SARDH: variants seen among roughly 807,000 people sequenced by gnomAD.
SARDH encodes the protein sarcosine dehydrogenase.
SARDH carries 95 observed loss-of-function variants against 109.1 expected under a neutral mutation model. That is an observed-to-expected ratio of 0.87 (90% CI 0.74 to 1.03). SARDH has a LOEUF of 1.03. Among genes scored for constraint, SARDH ranks in the 50% least tolerant of loss-of-function variants. The probability of loss-of-function intolerance (pLI) is 0.00; values close to 1 mark genes in which losing one functional copy is unlikely to be tolerated. For synonymous variants in SARDH, 572 were observed against 534.8 expected, an observed-to-expected ratio of 1.07 and a Z score of -0.96; for missense variants, 1,267 against 1,287.8, an observed-to-expected ratio of 0.98 and a Z score of 0.25.
At position 133,668,322 on chromosome 9, in the gene SARDH, TCCCTCTCCCTCTCCCTCATTC is replaced by T. The variant is rs1366546136; in HGVS notation, c.2496-1473_2496-1453del. The stretch of plus-strand genomic sequence containing the variant: ...CCCTCTCCCTCCCTCTCCCCCACCC[TCCCTCTCCCTCTCCCTCATTC>T]TCCCTCACCCTCCCTCTCCCTCACC... On this transcript the variant is annotated intron_variant, in intron 19 of 20. Coordinates refer to ENST00000439388, the MANE Select transcript of SARDH (RefSeq NM_001134707.2). 1.8e-3 allele frequency among the ~76,000 whole-genome samples: 72 copies of T among 38,986 alleles called. 1 individual carries two copies. The highest frequency in any genetic ancestry group is 0.014 in the East Asian group (21 of 1,508). The allele number at this position is 38,986 out of a possible 152,430, so 25.6% of individuals were successfully genotyped here.
downstream of SARDH, among the ~76,000 whole-genome samples, chr9:133,660,760 T>C (rs972973544): frequency 1.3e-5 from 2 of 152,140 alleles, no homozygotes; most frequent in South Asian, 2.1e-4. Context: ...GGAATGCTCA[T>C]GCCCATCAGT....
chr9:133,728,662 C>G lies in SARDH; in HGVS notation c.915+1103G>C, dbSNP rs1278897502. Among the ~76,000 whole-genome samples, 1 of 152,186 alleles carries G rather than the reference C, an allele frequency of 6.6e-6. No individual in the cohort carries two copies. Among genetic ancestry groups the G allele is most frequent in the Non-Finnish European group, 1.5e-5 (1 of 68,048 alleles). On this transcript the variant is annotated intron_variant, in intron 6 of 20. Coordinates refer to ENST00000439388, the MANE Select transcript of SARDH (RefSeq NM_001134707.2). This position sits in a 1 kb window ranked among gnomAD's most constrained non-coding sequence, Gnocchi z 5.0. Reference sequence around the variant, plus strand: ...TGCACATGTACTTGTCTGTACCTCCCCCCAGCTCTACCCAGCAAGAACTAG... The same window carrying G: ...TGCACATGTACTTGTCTGTACCTCCGCCCAGCTCTACCCAGCAAGAACTAG...
intron 17 of SARDH, 144 bp downstream of exon 17, chr9:133,685,049 A>G (rs1588399836): frequency 3.1e-6 from 2 of 648,816 alleles, no homozygotes; most frequent in African/African-American, 3.7e-5. Flanking sequence ...GCCTGGTCCC[A>G]CTGTCCCCCC....
chr9:133,688,797 T>C (rs1830979275), intron 16 of SARDH, among the ~76,000 whole-genome samples: 1 of 152,268 alleles, frequency 6.6e-6, no homozygotes, highest in Non-Finnish European at 1.5e-5. Context: ...TGCAGGGTTC[T>C]GCCCAAATGT....
chr9:133,727,064 G>A (rs1175241824), intron 6 of SARDH, among the ~76,000 whole-genome samples: 3 of 152,168 alleles, frequency 2.0e-5, no homozygotes, highest in Non-Finnish European at 4.4e-5. Flanking sequence ...CTCTGCCCAC[G>A]GATGGAGCAG....
At position 133,728,337 on chromosome 9, in the gene SARDH, G is replaced by T. The variant is rs1175310975; in HGVS notation, c.915+1428C>A. Among the ~76,000 whole-genome samples the T allele has an allele frequency of 6.6e-6, 1 of 152,140 alleles. No individual in the cohort carries two copies. Among genetic ancestry groups the T allele is most frequent in the Non-Finnish European group, 1.5e-5 (1 of 68,010 alleles). Reference sequence around the variant, plus strand: ...ACCATAGGGAAGCCAGGCTGGCACAGGGTGGCAATGGGCAGCCCCCAGGGA... The same window carrying T: ...ACCATAGGGAAGCCAGGCTGGCACATGGTGGCAATGGGCAGCCCCCAGGGA... On this transcript the variant is annotated intron_variant, in intron 6 of 20. Transcript: ENST00000439388. This position sits in a 1 kb window ranked among gnomAD's most constrained non-coding sequence, Gnocchi z 5.0.
intron 11 of SARDH, among the ~76,000 whole-genome samples, chr9:133,705,551 C>T (rs1831664044): frequency 2.8e-5 from 1 of 35,722 alleles, no homozygotes; most frequent in South Asian, 6.4e-4. Flanking sequence ...CTGCCCTCAC[C>T]CTGAGAACCC....
rs1278897643 is a variant in SARDH at position 133,719,001 on chromosome 9, G to A, written c.957C>T (p.Leu319=). Reference sequence around the variant, plus strand: ...CAGACAAGGCATCCCCTTGGAGGCGGAGGTAGACAGAGGCATCATGATCAC... The same window carrying A: ...CAGACAAGGCATCCCCTTGGAGGCGAAGGTAGACAGAGGCATCATGATCAC... ...NVRDHDASVY[L]RLQGDALSVG... Residue 319 remains leucine (L), a synonymous_variant, in exon 7 of 21, where the codon CTC becomes CTT. Transcript: ENST00000439388. 1.2e-6 allele frequency: 2 copies of A among 1,614,210 alleles called. No homozygotes were observed. Among genetic ancestry groups the A allele is most frequent in the South Asian group, 2.2e-5 (2 of 91,074 alleles).
At chr9:133,678,440 G>A (rs1830589105) in intron 17 of SARDH, among the ~76,000 whole-genome samples, 1 of 152,200 alleles carries the variant, frequency 6.6e-6, no homozygotes, top group African/African-American at 2.4e-5. Context: ...TTCCCCAGAT[G>A]GGTCATGGAC....
intron 8 of SARDH, 86 bp from the exon 9 acceptor site, chr9:133,713,210 C>T: frequency 2.6e-6 from 3 of 1,172,078 alleles, no homozygotes; most frequent in Non-Finnish European, 2.4e-6. Context: ...AGTGATCAGG[C>T]AGGGTCTGCA....
At chr9:133,674,443 C>G (rs556975443) in intron 17 of SARDH, among the ~76,000 whole-genome samples, 4 of 152,356 alleles carry the variant, frequency 2.6e-5, no homozygotes, top group African/African-American at 9.6e-5. Context: ...TGGATGGAGT[C>G]ACAGAATTAT....
At chr9:133,726,487 A>T (rs1832496799) in intron 6 of SARDH, among the ~76,000 whole-genome samples, 1 of 152,060 alleles carries the variant, frequency 6.6e-6, no homozygotes, top group Non-Finnish European at 1.5e-5. Context: ...AGAGCAGGAC[A>T]GTGGGGACAC....
chr9:133,687,853 CTT>C (rs749831826), intron 16 of SARDH, among the ~76,000 whole-genome samples: 1 of 152,202 alleles, frequency 6.6e-6, no homozygotes, highest in Non-Finnish European at 1.5e-5. Context: ...ATCTAAGAAA[CTT>C]TGGGTTATTT....
intron 6 of SARDH, among the ~76,000 whole-genome samples, chr9:133,727,544 TC>T (rs1340624731): frequency 2.6e-5 from 4 of 152,218 alleles, no homozygotes; most frequent in African/African-American, 9.6e-5. Flanking sequence ...GCGGCCTGGC[TC>T]CTTCCTCAGA....
chr9:133,715,450 G>A (rs1832084623), intron 8 of SARDH, among the ~76,000 whole-genome samples: 1 of 152,170 alleles, frequency 6.6e-6, no homozygotes, highest in South Asian at 2.1e-4. Context: ...AGTCACGGCT[G>A]TGTGCTCCTA....
At position 133,718,424 on chromosome 9, in the gene SARDH, G is replaced by A. The variant is rs981150244; in HGVS notation, c.1020+514C>T. Reference sequence around the variant, plus strand: ...ACCAAAATATAGGCACCCAGAGTCAGGGACTTTTATCTTAGTTTCCCTCTT... The same window carrying A: ...ACCAAAATATAGGCACCCAGAGTCAAGGACTTTTATCTTAGTTTCCCTCTT... On this transcript the variant is annotated intron_variant, in intron 7 of 20. Coordinates refer to ENST00000439388, the MANE Select transcript of SARDH (RefSeq NM_001134707.2). This position sits in a 1 kb window ranked among gnomAD's most constrained non-coding sequence, Gnocchi z 4.2. 3.4e-5 allele frequency: 16 copies of A among 475,620 alleles called. No individual in the cohort carries two copies. Among genetic ancestry groups the A allele is most frequent in the African/African-American group, 2.9e-4 (15 of 51,228 alleles). The allele number at this position is 475,620 out of a possible 1,614,324, so 29.5% of individuals were successfully genotyped here. A position where few individuals can be genotyped will look rare whatever the true frequency, so the allele number is the denominator to read the frequency against.
At chr9:133,663,309 G>A (rs541189420), downstream of SARDH, among the ~76,000 whole-genome samples, 1 of 152,376 alleles carries the variant, frequency 6.6e-6, no homozygotes, top group South Asian at 2.1e-4. Flanking sequence ...TTTGCCACCT[G>A]AAGAACAGGG....
chr9:133,714,645 T>C (rs567494653), intron 8 of SARDH, among the ~76,000 whole-genome samples: 5 of 152,136 alleles, frequency 3.3e-5, no homozygotes, highest in African/African-American at 1.2e-4. Flanking sequence ...CCGGATGTGG[T>C]GGAGCGAGCC....
intron 16 of SARDH, among the ~76,000 whole-genome samples, chr9:133,687,920 C>T (rs756406290): frequency 1.5e-4 from 23 of 152,224 alleles, no homozygotes; most frequent in African/African-American, 4.8e-4. Flanking sequence ...CAGGAGGCAG[C>T]GAGCTCCTCT....
Sources: gnomAD v4.1 joint callset for allele counts (sites outside exome capture counted in the v4.1 genomes callset) on GRCh38, gnomAD v4.1.1 for gene constraint, Gnocchi (gnomAD v3.1) non-coding constraint, MANE v1.5 for transcripts, NCBI Gene and HGNC (gene_info 2026-07-23, HGNC 2026-07-21) for gene names.